RAD51B: variants seen among roughly 807,000 people sequenced by gnomAD.
RAD51B encodes the protein RAD51 paralog B.
RAD51B carries 38 observed loss-of-function variants against 42.2 expected under a neutral mutation model. The ratio of observed to expected loss-of-function variants is 0.90; its 90% confidence interval spans 0.70 to 1.18. The LOEUF (loss-of-function observed/expected upper bound fraction) is 1.18. RAD51B is among the 50% of genes most tolerant of loss of function. RAD51B has a pLI of 0.00. For missense variants in RAD51B, 373 were observed against 400.7 expected, an observed-to-expected ratio of 0.93 and a Z score of 0.59; for synonymous variants, 154 against 145.2, an observed-to-expected ratio of 1.06 and a Z score of -0.43.
intron 7 of RAD51B, among the ~76,000 whole-genome samples, chr14:68,147,928 A>C (rs984578541): frequency 1.3e-5 from 2 of 152,194 alleles, no homozygotes; most frequent in Non-Finnish European, 2.9e-5. Context: ...CAAGATAATT[A>C]ACATGTCTTT....
intron 7 of RAD51B, among the ~76,000 whole-genome samples, chr14:68,279,673 TA>T (rs1242528423): frequency 6.6e-6 from 1 of 152,234 alleles, no homozygotes; most frequent in African/African-American, 2.4e-5. Context: ...AAGAATTAAT[TA>T]TTTTTTTTCT....
At chr14:67,881,809 G>A (rs1381369870) in intron 5 of RAD51B, among the ~76,000 whole-genome samples, 1 of 152,088 alleles carries the variant, frequency 6.6e-6, no homozygotes, top group Non-Finnish European at 1.5e-5. Context: ...TCCTTTGTGG[G>A]CTAAAGTGGA....
intron 8 of RAD51B, among the ~76,000 whole-genome samples, chr14:68,329,382 A>T (rs934112776): frequency 1.3e-5 from 2 of 152,190 alleles, no homozygotes; most frequent in African/African-American, 2.4e-5. Context: ...CACATCTGAG[A>T]ATTCAACAAC....
At chr14:68,530,488 A>G (rs1887230617) in intron 10 of RAD51B, among the ~76,000 whole-genome samples, 1 of 150,772 alleles carries the variant, frequency 6.6e-6, no homozygotes, top group African/African-American at 2.4e-5. Flanking sequence ...GAAAGAAAAA[A>G]ACAAAGTTAC....
chr14:67,835,370 AG>A (rs1445964527), intron 4 of RAD51B, among the ~76,000 whole-genome samples, 174 bp downstream of exon 4: 1 of 152,210 alleles, frequency 6.6e-6, no homozygotes, highest in Non-Finnish European at 1.5e-5. Context: ...CTGCAAACAG[AG>A]GTGTTAAAAA....
At chr14:68,317,429 A>C (rs1231148891) in intron 8 of RAD51B, among the ~76,000 whole-genome samples, 1 of 152,298 alleles carries the variant, frequency 6.6e-6, no homozygotes, top group East Asian at 1.9e-4. Context: ...AAATTTCAGT[A>C]TGATGTCATA....
chr14:68,524,706 A>G (rs1886812578), intron 10 of RAD51B, among the ~76,000 whole-genome samples: 1 of 152,124 alleles, frequency 6.6e-6, no homozygotes, highest in Admixed American at 6.5e-5. Flanking sequence ...ACCCCACAGG[A>G]TGGTTCTTTT....
chr14:68,270,997 C>T (rs2081094405), intron 7 of RAD51B, among the ~76,000 whole-genome samples: 1 of 152,244 alleles, frequency 6.6e-6, no homozygotes, highest in Non-Finnish European at 1.5e-5. Flanking sequence ...GTACTGTCCT[C>T]TGCTTCATTA....
chr14:67,964,673 G>A (rs539677793), intron 7 of RAD51B, among the ~76,000 whole-genome samples: 5 of 151,656 alleles, frequency 3.3e-5, no homozygotes, highest in Middle Eastern at 3.4e-3. Context: ...TTTGACTATT[G>A]GGTGTGGCAG....
At chr14:67,884,198 A>G (rs2042998420) in intron 5 of RAD51B, among the ~76,000 whole-genome samples, 1 of 152,206 alleles carries the variant, frequency 6.6e-6, no homozygotes, top group Non-Finnish European at 1.5e-5. Flanking sequence ...GTTATTTAGC[A>G]TGGTAACTGT....
At chr14:68,662,870 A>C (rs1431321460) in intron 11 of RAD51B, among the ~76,000 whole-genome samples, 1 of 152,110 alleles carries the variant, frequency 6.6e-6, no homozygotes, top group African/African-American at 2.4e-5. Flanking sequence ...GGGCATCTCC[A>C]TTTGCCCCTC....
Position 68,422,161 on chromosome 14 carries a change from G to A in RAD51B, c.957+10634G>A, listed in dbSNP as rs117895123. Reference sequence around the variant, plus strand: ...AGACATGGCCCAAGGGCTCGCTGTCGACGGCAAATTCAAAGAACATGGTGG... The same window carrying A: ...AGACATGGCCCAAGGGCTCGCTGTCAACGGCAAATTCAAAGAACATGGTGG... On this transcript the variant is annotated intron_variant, in intron 9 of 10. Transcript: ENST00000471583. The A allele has an allele frequency of 1.8e-4, 230 of 1,301,566 alleles. 2 individuals carry two copies. In the East Asian group the frequency reaches 5.1e-3, roughly 29 times the overall value. The allele number at this position is 1,301,566 out of a possible 1,614,324, so 80.6% of individuals were successfully genotyped here. A position where few individuals can be genotyped will look rare whatever the true frequency, so the allele number is the denominator to read the frequency against.
intron 7 of RAD51B, among the ~76,000 whole-genome samples, chr14:68,159,878 A>G (rs1405946308): frequency 1.3e-5 from 2 of 152,118 alleles, no homozygotes; most frequent in South Asian, 2.1e-4. Context: ...TATTAACCCA[A>G]TTACTTTATG....
intron 10 of RAD51B, among the ~76,000 whole-genome samples, chr14:68,646,482 T>C (rs1892567035): frequency 6.6e-6 from 1 of 152,326 alleles, no homozygotes; most frequent in East Asian, 1.9e-4. Context: ...CTTTGTGGCT[T>C]TCACATTTTG....
intron 7 of RAD51B, among the ~76,000 whole-genome samples, chr14:67,938,943 T>C (rs542368851): frequency 5.3e-5 from 8 of 152,310 alleles, no homozygotes; most frequent in Admixed American, 3.9e-4. Flanking sequence ...AGATCTGTTA[T>C]GTAAGAAAAA....
At chr14:68,540,299 C>A in intron 10 of RAD51B, 1 of 1,040,494 alleles carries the variant, frequency 9.6e-7, no homozygotes, top group Non-Finnish European at 1.2e-6. Flanking sequence ...CTACTGCAGA[C>A]CACACCACAA....
At chr14:68,495,557 G>A (rs1463574402) in intron 10 of RAD51B, among the ~76,000 whole-genome samples, 2 of 152,166 alleles carry the variant, frequency 1.3e-5, no homozygotes, top group Non-Finnish European at 2.9e-5. Flanking sequence ...AACTTGAAGG[G>A]AAACGCAGTT....
chr14:68,180,848 C>T (rs2079049335), intron 7 of RAD51B, among the ~76,000 whole-genome samples: 1 of 152,168 alleles, frequency 6.6e-6, no homozygotes, highest in African/African-American at 2.4e-5. Context: ...CAGGAACAAC[C>T]ATACTGGCTG....
intron 9 of RAD51B, among the ~76,000 whole-genome samples, chr14:68,424,961 G>T (rs2084797920): frequency 6.6e-6 from 1 of 152,184 alleles, no homozygotes; most frequent in Non-Finnish European, 1.5e-5. Context: ...TTTATGTAGA[G>T]ATGGGGTCTT....
Sources: gnomAD v4.1 joint callset for allele counts (sites outside exome capture counted in the v4.1 genomes callset) on GRCh38, gnomAD v4.1.1 for gene constraint, MANE v1.5 for transcripts, NCBI Gene and HGNC (gene_info 2026-07-23, HGNC 2026-07-21) for gene names.